Variants in NFAM1 observed in about 807,000 individuals in gnomAD.
The protein encoded by NFAM1 is NFAT activation molecule 1.
Under a neutral mutation model 29.0 loss-of-function variants are expected in NFAM1, and 17 were observed. The ratio of observed to expected loss-of-function variants is 0.59; its 90% confidence interval spans 0.40 to 0.88. NFAM1 has a LOEUF of 0.88. Among genes scored for constraint, NFAM1 ranks in the 40% least tolerant of loss-of-function variants. The pLI, the probability that NFAM1 is intolerant of heterozygous loss-of-function variation, is 0.00. For missense variants in NFAM1, 324 were observed against 344.6 expected (o/e 0.94, Z 0.47); for synonymous variants, 175 against 147.2 (o/e 1.19, Z -1.36).
Position 42,429,616 on chromosome 22 carries a change from AAAATAAAT to A in NFAM1, c.121+2613_121+2620del, listed in dbSNP as rs900833563. Among the ~76,000 whole-genome samples, 4 of 152,168 alleles carry A rather than the reference AAAATAAAT, an allele frequency of 2.6e-5. No individual in the cohort carries two copies. The East Asian group carries it at 7.8e-4, about 30-fold the overall frequency. On this transcript the variant is annotated intron_variant, in intron 1 of 5. Transcript: ENST00000329021. ...GGGCAACAGAGCGAGACTCCGTCTC[AAAATAAAT>A]AAATAAATAAAAAATCAAACTGAAG...
intron 3 of NFAM1, among the ~76,000 whole-genome samples, chr22:42,405,656 A>G (rs1203810229): frequency 6.6e-6 from 1 of 152,148 alleles, no homozygotes; most frequent in African/African-American, 2.4e-5. Flanking sequence ...TGGGCTCATG[A>G]AAGCTGAAGG....
chr22:42,431,903 G>C (rs996170353), intron 1 of NFAM1, among the ~76,000 whole-genome samples: 1 of 151,986 alleles, frequency 6.6e-6, no homozygotes, highest in African/African-American at 2.4e-5. Flanking sequence ...CGGATGGGGA[G>C]CTGTCCCTCC....
chr22:42,403,138 C>G (rs769618811), intron 3 of NFAM1, among the ~76,000 whole-genome samples: 1 of 151,964 alleles, frequency 6.6e-6, no homozygotes, highest in African/African-American at 2.4e-5. Flanking sequence ...CGCCCGGCCC[C>G]CTCTGTGCCT....
intron 4 of NFAM1, among the ~76,000 whole-genome samples, chr22:42,392,903 G>T (rs1398519545): frequency 1.3e-5 from 2 of 152,012 alleles, no homozygotes; most frequent in East Asian, 3.9e-4. Flanking sequence ...AGGTTCAAGT[G>T]ATTCTCCTGT....
At chr22:42,420,167 C>T (rs1347057317) in intron 1 of NFAM1, among the ~76,000 whole-genome samples, 5 of 151,838 alleles carry the variant, frequency 3.3e-5, no homozygotes, top group African/African-American at 7.3e-5. Flanking sequence ...TGCGCCACCT[C>T]GCCTGGCTAA....
intron 1 of NFAM1, among the ~76,000 whole-genome samples, chr22:42,421,963 A>C (rs927508171): frequency 6.6e-6 from 1 of 152,258 alleles, no homozygotes; most frequent in Non-Finnish European, 1.5e-5. Context: ...CATCAAATGC[A>C]AAAGCGTGTG....
rs1445187985 is a variant in NFAM1, at chr22:42,409,068, A to C, written c.564+367T>G. On this transcript the variant is annotated intron_variant, in intron 3 of 5. Coordinates refer to ENST00000329021, the MANE Select transcript of NFAM1 (RefSeq NM_145912.8). The surrounding 1 kb of genome is among the most constrained non-coding windows in gnomAD (Gnocchi z 4.9). ...GAGAGCACCTGTGTGAGTGGCTGGT[A>C]GCCCCTTCATCCCTTCCAGCCTGCT... is the stretch of plus-strand genomic sequence containing the variant. Among the ~76,000 whole-genome samples the C allele has an allele frequency of 6.6e-6, 1 of 152,076 alleles. No homozygotes were observed. Among genetic ancestry groups the C allele is most frequent in the Non-Finnish European group, 1.5e-5 (1 of 67,994 alleles).
chr22:42,432,278 A>G lies in NFAM1; in HGVS notation c.80T>C (p.Leu27Pro). Residue 27 changes from leucine to proline, a missense_variant, in exon 1 of 6, where the codon CTC becomes CCC. Coordinates refer to ENST00000329021, the MANE Select transcript of NFAM1 (RefSeq NM_145912.8). ...PPGLPAAPWLLLGVLLLPGTL... is the reference protein window; with the variant it reads ...PPGLPAAPWLPLGVLLLPGTL... ...CCCGGGCAGCAGCAGCACGCCAAGG[A>G]GGAGCCAGGGGGCTGCGGGGAGCCC... 1 of 1,573,188 alleles carries G rather than the reference A, an allele frequency of 6.4e-7. No homozygotes were observed. The highest frequency in any genetic ancestry group is 8.6e-7 in the Non-Finnish European group (1 of 1,158,890).
rs1466067647 is a variant in NFAM1 at position 42,409,836 on chromosome 22, G to A, written c.452-289C>T. 6.6e-6 allele frequency among the ~76,000 whole-genome samples: 1 copy of A among 152,210 alleles called. No individual in the cohort carries two copies. Among genetic ancestry groups the A allele is most frequent in the Non-Finnish European group, 1.5e-5 (1 of 68,034 alleles). On this transcript the variant is annotated intron_variant, in intron 2 of 5. Transcript: ENST00000329021. The surrounding 1 kb of genome is among the most constrained non-coding windows in gnomAD (Gnocchi z 4.9). The stretch of plus-strand genomic sequence containing the variant: ...GGGCTGCTTGTAGGGCCCTGAGCGA[G>A]ATGTCTCCCCTCTCGGGGCCTCTTC...
Position 42,409,920 on chromosome 22 carries a change from G to A in NFAM1, c.452-373C>T, listed in dbSNP as rs1441894820. Among the ~76,000 whole-genome samples the A allele has an allele frequency of 6.6e-6, 1 of 152,258 alleles. No homozygotes were observed. Among genetic ancestry groups the A allele is most frequent in the African/African-American group, 2.4e-5 (1 of 41,554 alleles). ...GATGTGGCTAGGGCTGAAGGAGGCGGATTTATCCTGGGACTGACAGGGGGC... is the reference window on the plus strand; with the variant it reads ...GATGTGGCTAGGGCTGAAGGAGGCGAATTTATCCTGGGACTGACAGGGGGC... On this transcript the variant is annotated intron_variant, in intron 2 of 5. Transcript: ENST00000329021. The surrounding 1 kb of genome is among the most constrained non-coding windows in gnomAD (Gnocchi z 4.9).
rs868691706 is a variant in NFAM1, at chr22:42,388,240, G to A, written c.664-1162C>T. 3.3e-5 allele frequency among the ~76,000 whole-genome samples: 5 copies of A among 152,286 alleles called. No homozygotes were observed. The highest frequency in any genetic ancestry group is 7.2e-5 in the African/African-American group (3 of 41,554). ...GCCAGCCAAAGGCAACCCCTTAACC[G>A]CTCCATGCCTCAGTTTCCACGTCTG... On this transcript the variant is annotated intron_variant, in intron 4 of 5. Transcript: ENST00000329021. This position sits in a 1 kb window ranked among gnomAD's most constrained non-coding sequence, Gnocchi z 4.1.
At chr22:42,424,112 CTT>C (rs923471141) in intron 1 of NFAM1, among the ~76,000 whole-genome samples, 3 of 149,906 alleles carry the variant, frequency 2.0e-5, no homozygotes, top group African/African-American at 7.3e-5. Context: ...GACCCCATCT[CTT>C]TAAAAAAAAA....
At chr22:42,418,269 C>A (rs1930326734) in intron 1 of NFAM1, among the ~76,000 whole-genome samples, 1 of 152,224 alleles carries the variant, frequency 6.6e-6, no homozygotes, top group Non-Finnish European at 1.5e-5. Flanking sequence ...ACAGGGGGAG[C>A]AACAATGCCA....
chr22:42,392,460 A>T (rs1929377003), intron 4 of NFAM1, among the ~76,000 whole-genome samples: 1 of 152,054 alleles, frequency 6.6e-6, no homozygotes, highest in Admixed American at 6.6e-5. Flanking sequence ...CTGTAGAGAG[A>T]AACAGAAAGG....
intron 1 of NFAM1, among the ~76,000 whole-genome samples, chr22:42,431,126 G>A (rs540729075): frequency 3.9e-5 from 6 of 152,266 alleles, no homozygotes; most frequent in African/African-American, 1.2e-4. Flanking sequence ...CCCAGCTTGG[G>A]GCTGAGGCTG....
At chr22:42,424,348 G>A (rs1225814976) in intron 1 of NFAM1, among the ~76,000 whole-genome samples, 1 of 152,064 alleles carries the variant, frequency 6.6e-6, no homozygotes, top group African/African-American at 2.4e-5. Flanking sequence ...CAGGGAGGCA[G>A]AGCTTGCGAT....
chr22:42,429,265 T>C (rs770500213), intron 1 of NFAM1, among the ~76,000 whole-genome samples: 5 of 152,202 alleles, frequency 3.3e-5, no homozygotes, highest in African/African-American at 7.2e-5. Context: ...GAGGAGACAA[T>C]TGAGGCATAG....
rs534127939 is a variant in NFAM1, at chr22:42,385,797, G to C, written c.754-577C>G. ...GGAGATGTCCCTGCTTTCACTCAGGGTCTAGTTGAGGGCTGAGTATAGAAA... is the reference window on the plus strand; with the variant it reads ...GGAGATGTCCCTGCTTTCACTCAGGCTCTAGTTGAGGGCTGAGTATAGAAA... On this transcript the variant is annotated intron_variant, in intron 5 of 5. Coordinates refer to ENST00000329021, the MANE Select transcript of NFAM1 (RefSeq NM_145912.8). Among the ~76,000 whole-genome samples the C allele has an allele frequency of 2.6e-5, 4 of 152,304 alleles. No homozygotes were observed. In the South Asian group the frequency reaches 8.3e-4, roughly 32 times the overall value.
chr22:42,429,743 C>T (rs1930735334), intron 1 of NFAM1, among the ~76,000 whole-genome samples: 1 of 152,244 alleles, frequency 6.6e-6, no homozygotes, highest in African/African-American at 2.4e-5. Flanking sequence ...CAGTGACACC[C>T]CTGTGGACAC....
Sources: allele counts gnomAD v4.1 joint callset (sites outside exome capture counted in the v4.1 genomes callset), GRCh38; gene constraint gnomAD v4.1.1; non-coding constraint Gnocchi (gnomAD v3.1); transcripts MANE v1.5; gene names NCBI Gene and HGNC (gene_info 2026-07-23, HGNC 2026-07-21).